CROCC: variants seen among roughly 807,000 people sequenced by gnomAD.
CROCC encodes rootletin.
CROCC carries 180 observed loss-of-function variants against 245.2 expected under a neutral mutation model. The ratio of observed to expected loss-of-function variants is 0.73; its 90% CI spans 0.65 to 0.83. CROCC has a LOEUF of 0.83. CROCC is among the 40% of genes least tolerant of loss of function. CROCC has a pLI of 0.00. For missense variants in CROCC, 2,688 were observed against 2,779.4 expected, an observed-to-expected ratio of 0.97 and a Z score of 0.74; for synonymous variants, 1,205 against 1,241.6, an observed-to-expected ratio of 0.97 and a Z score of 0.62.
At chr1:16,947,751 T>G (rs1310229390) in intron 17 of CROCC, among the ~76,000 whole-genome samples, 1 of 152,258 alleles carries the variant, frequency 6.6e-6, no homozygotes, top group African/African-American at 2.4e-5. Flanking sequence ...ATTCAGCTTC[T>G]CTGCAAGTTT....
rs374658027 is a variant in CROCC, at chr1:16,938,513, G to A, written c.1374+30G>A. 2.3e-3 allele frequency: 3,555 copies of A among 1,531,614 alleles called. No homozygotes were observed. The African/African-American group carries it at 0.045, about 19-fold the overall frequency. 94.9% of individuals were successfully genotyped at this position (1,531,614 alleles called of 1,614,324 possible). ...GAGCCCAGAGAGGCGGGAAGACAGC[G>A]CCCTGCCAGGCAGTCCCAGGCTCCC... On this transcript the variant is annotated intron_variant, in intron 11 of 36. Transcript: ENST00000375541.
chr1:16,930,321 C>A lies in CROCC; in HGVS notation c.657C>A (p.Leu219=). The A allele has an allele frequency of 6.2e-7, 1 of 1,609,376 alleles. No individual in the cohort carries two copies. Among genetic ancestry groups the A allele is most frequent in the South Asian group, 1.1e-5 (1 of 90,474 alleles). The change falls in exon 6 of 37, where the codon CTC becomes CTA. Residue 219 remains leucine (L), a synonymous_variant. Transcript: ENST00000375541. ...ACAGCCAAGACCTGGAAAGCGCCCT[C>A]ATCCGGCTGGAGGAGGAGCAGCAGA... The part of the protein sequence containing the change: ...TEHSQDLESA[L]IRLEEEQQRS...
intron 13 of CROCC, among the ~76,000 whole-genome samples, chr1:16,943,771 C>T (rs1264398604): frequency 2.0e-5 from 3 of 152,280 alleles, no homozygotes; most frequent in Admixed American, 2.0e-4. Context: ...ATTTCCTGGT[C>T]ACATGGCCTA....
At chr1:16,917,188 G>T (rs1262688238), upstream of CROCC, among the ~76,000 whole-genome samples, 1 of 152,304 alleles carries the variant, frequency 6.6e-6, no homozygotes, top group Non-Finnish European at 1.5e-5. Flanking sequence ...TGTGACTTGA[G>T]CTCTTTGTGG....
intron 27 of CROCC, among the ~76,000 whole-genome samples, chr1:16,962,534 CAAAAAAAAAAAAAAAAA>C (rs1197806001): frequency 0.029 from 633 of 21,882 alleles, 13 homozygotes; most frequent in Non-Finnish European, 0.04. Context: ...GACTCCGTCT[CAAAAAAAAAAAAAAAAA>C]AAAAAAAAAA....
At chr1:16,932,452 A>G (rs1374677540) in intron 8 of CROCC, among the ~76,000 whole-genome samples, 2 of 152,242 alleles carry the variant, frequency 1.3e-5, no homozygotes, top group Non-Finnish European at 2.9e-5. Flanking sequence ...AAAAAGTAAA[A>G]TAAAATTCTA....
chr1:16,939,222 G>GGGGGCA (rs2075865760), intron 12 of CROCC, 80 bp downstream of exon 12: 3 of 1,229,514 alleles, frequency 2.4e-6, no homozygotes, highest in Non-Finnish European at 3.2e-6. Context: ...GGGCGGGGGC[G>GGGGGCA]GGGGCAGGTC....
Position 16,948,734 on chromosome 1 carries a change from G to A in CROCC, c.2709-65G>A, listed in dbSNP as rs951553607. The A allele has an allele frequency of 2.1e-5, 34 of 1,599,746 alleles. No individual in the cohort carries two copies. In the African/African-American group the frequency reaches 2.9e-4, roughly 14 times the overall value. On this transcript the variant is annotated intron_variant, in intron 18 of 36. Coordinates refer to ENST00000375541, the MANE Select transcript of CROCC (RefSeq NM_014675.5). ...TGGCCCATGCCTGGCCACTCCCTGA[G>A]ATCCACAGTTTCCTGGGGCCAGGGA...
intron 32 of CROCC, 127 bp from the exon 33 acceptor site, chr1:16,969,658 T>C: frequency 1.5e-6 from 2 of 1,353,444 alleles, no homozygotes; most frequent in South Asian, 1.4e-5. Flanking sequence ...GGGTTTGGTG[T>C]GCACCCCACC....
rs907837680 is a variant in CROCC at position 16,966,192 on chromosome 1, G to T, written c.4696+73G>T. On this transcript the variant is annotated intron_variant, in intron 29 of 36. Coordinates refer to ENST00000375541, the MANE Select transcript of CROCC (RefSeq NM_014675.5). This position sits in a 1 kb window ranked among gnomAD's most constrained non-coding sequence, Gnocchi z 4.8. ...AGTTGAGGCAGGAGCCGGGGGATTGGCCTCTGACCTTGCCGTGGCCCCCAT... is the reference window on the plus strand; with the variant it reads ...AGTTGAGGCAGGAGCCGGGGGATTGTCCTCTGACCTTGCCGTGGCCCCCAT... The T allele has an allele frequency of 9.1e-6, 14 of 1,546,446 alleles. 1 individual carries two copies. The South Asian group carries it at 1.7e-4, about 19-fold the overall frequency.
rs535546977 is a variant in CROCC, at chr1:16,952,211, C to T, written c.3006+1089C>T. ...TTAAAGAAGGGGCGGTTTGGCCGGT[C>T]GTGCTGACTCATGCCTGTAATCCAG... On this transcript the variant is annotated intron_variant, in intron 20 of 36. Coordinates refer to ENST00000375541, the MANE Select transcript of CROCC (RefSeq NM_014675.5). 1.7e-4 allele frequency among the ~76,000 whole-genome samples: 25 copies of T among 143,994 alleles called. No individual in the cohort carries two copies. The South Asian group carries it at 5.3e-3, about 31-fold the overall frequency. The allele number at this position is 143,994 out of a possible 152,430, so 94.5% of individuals were successfully genotyped here.
At position 16,972,440 on chromosome 1, in the gene CROCC, G is replaced by A. The variant is rs1438886791; in HGVS notation, c.6048G>A (p.Glu2016=). The change falls in exon 37 of 37, where the codon GAG becomes GAA. Residue 2016 remains glutamate (E), a synonymous_variant. Transcript: ENST00000375541. ...TCTCCCCACCCTCCGGCCCCCCAGA[G>A]AAATGAGCTCCTGCTGGCATCTGGA... ...APFSPPSGPP[E]K The A allele has an allele frequency of 6.2e-7, 1 of 1,611,814 alleles. No homozygotes were observed. The highest frequency in any genetic ancestry group is 8.5e-7 in the Non-Finnish European group (1 of 1,178,916).
chr1:16,944,355 G>A (rs1296597104), intron 14 of CROCC, 73 bp downstream of exon 14: 9 of 1,426,000 alleles, frequency 6.3e-6, no homozygotes, highest in Non-Finnish European at 7.4e-6. Flanking sequence ...CCCCCCTGGG[G>A]TTAGGTGACA....
intron 20 of CROCC, 127 bp downstream of exon 20, chr1:16,951,249 T>C: frequency 3.5e-6 from 3 of 850,426 alleles, no homozygotes; most frequent in Non-Finnish European, 5.0e-6. Context: ...TGGGGACAGC[T>C]AGGAGGACTG....
rs754228809 is a variant in CROCC, at chr1:16,938,369, A to T, written c.1291-31A>T. 2.6e-6 allele frequency: 4 copies of T among 1,541,300 alleles called. No individual in the cohort carries two copies. The South Asian group carries it at 4.8e-5, about 18-fold the overall frequency. Reference sequence around the variant, plus strand: ...AGGTTTCAGATAAGACAGAACCCCAACCACCCTTTGTCTCCCTAACCGCAC... The same window carrying T: ...AGGTTTCAGATAAGACAGAACCCCATCCACCCTTTGTCTCCCTAACCGCAC... On this transcript the variant is annotated intron_variant, in intron 10 of 36. Coordinates refer to ENST00000375541, the MANE Select transcript of CROCC (RefSeq NM_014675.5).
At chr1:16,970,068 G>A in intron 33 of CROCC, 134 bp downstream of exon 33, 1 of 1,274,072 alleles carries the variant, frequency 7.8e-7, no homozygotes, top group Non-Finnish European at 1.1e-6. Flanking sequence ...TTCATTCAGA[G>A]CATAGTCCTG....
chr1:16,934,805 CA>C (rs1256618230), intron 8 of CROCC, among the ~76,000 whole-genome samples: 1 of 151,800 alleles, frequency 6.6e-6, no homozygotes, highest in Non-Finnish European at 1.5e-5. Flanking sequence ...TTTATATATA[CA>C]GATTTTTTCT....
chr1:16,957,052 G>C (rs747245432), intron 25 of CROCC, among the ~76,000 whole-genome samples: 2 of 152,214 alleles, frequency 1.3e-5, no homozygotes, highest in African/African-American at 4.8e-5. Context: ...CCAGTGGATT[G>C]CTTGAGCCCA....
At chr1:16,963,802 T>C (rs986783627) in intron 27 of CROCC, among the ~76,000 whole-genome samples, 1 of 150,684 alleles carries the variant, frequency 6.6e-6, no homozygotes, top group African/African-American at 2.5e-5. Context: ...CACTTTGTTT[T>C]TGTTTTTTTT....
Sources: gnomAD v4.1 joint callset for allele counts (sites outside exome capture counted in the v4.1 genomes callset) on GRCh38, gnomAD v4.1.1 for gene constraint, Gnocchi (gnomAD v3.1) non-coding constraint, MANE v1.5 for transcripts, NCBI Gene and HGNC (gene_info 2026-07-23, HGNC 2026-07-21) for gene names.